MSI2: variants seen among roughly 807,000 people sequenced by gnomAD.
The protein encoded by MSI2 is musashi RNA binding protein 2.
MSI2 carries 17 observed loss-of-function variants against 45.6 expected under a neutral mutation model. The observed-to-expected ratio is 0.37, with a 90% CI of 0.26 to 0.56. The LOEUF is 0.56. Ranked by LOEUF, MSI2 falls within the 20% of genes least tolerant of loss-of-function variation. MSI2 has a pLI of 0.77. For missense variants in MSI2, 293 were observed against 444.2 expected (o/e 0.66, Z 3.06); for synonymous variants, 156 against 158.2 (o/e 0.99, Z 0.11).
chr17:57,577,828 C>T (rs902713261), intron 7 of MSI2, among the ~76,000 whole-genome samples: 4 of 152,178 alleles, frequency 2.6e-5, no homozygotes, highest in Admixed American at 1.3e-4. Flanking sequence ...AGTGTTTCTG[C>T]GTCCTCGGAC....
At chr17:57,298,629 C>G (rs779475997) in intron 5 of MSI2, among the ~76,000 whole-genome samples, 1 of 152,150 alleles carries the variant, frequency 6.6e-6, no homozygotes, top group African/African-American at 2.4e-5. Flanking sequence ...CCGTTGCATT[C>G]TAGCCTGGGT....
At chr17:57,494,847 A>G (rs988851368) in intron 6 of MSI2, among the ~76,000 whole-genome samples, 10 of 152,272 alleles carry the variant, frequency 6.6e-5, no homozygotes, top group African/African-American at 2.4e-4. Flanking sequence ...AAATCAGTGA[A>G]CAGAACAGAA....
chr17:57,651,695 C>T (rs751561945), intron 10 of MSI2, among the ~76,000 whole-genome samples: 64 of 152,226 alleles, frequency 4.2e-4, no homozygotes, highest in Non-Finnish European at 6.9e-4. Flanking sequence ...CTGACCACTC[C>T]GCCATGATCT....
chr17:57,573,100 C>G (rs1264514402), intron 7 of MSI2, among the ~76,000 whole-genome samples: 2 of 152,122 alleles, frequency 1.3e-5, no homozygotes, highest in Non-Finnish European at 2.9e-5. Context: ...TCCTAGAATG[C>G]CTCTGTGGTG....
At chr17:57,664,546 T>G (rs1912232194) in intron 11 of MSI2, among the ~76,000 whole-genome samples, 1 of 151,766 alleles carries the variant, frequency 6.6e-6, no homozygotes, top group Non-Finnish European at 1.5e-5. Context: ...AGAAAAAAGA[T>G]CTGAGAGAAG....
At chr17:57,440,017 G>A (rs941249492) in intron 6 of MSI2, among the ~76,000 whole-genome samples, 13 of 152,156 alleles carry the variant, frequency 8.5e-5, no homozygotes, top group Admixed American at 8.5e-4. Context: ...CTTAGGGTGA[G>A]GCTGAGTGAT....
chr17:57,673,722 C>T (rs1912997883), intron 11 of MSI2, among the ~76,000 whole-genome samples: 3 of 152,066 alleles, frequency 2.0e-5, no homozygotes, highest in South Asian at 2.1e-4. Flanking sequence ...TTGGGGGGGC[C>T]GAGGCAGTGT....
chr17:57,257,864 G>A (rs550871998), intron 3 of MSI2, among the ~76,000 whole-genome samples: 14 of 149,698 alleles, frequency 9.4e-5, no homozygotes, highest in Non-Finnish European at 1.6e-4. Context: ...TGATCTTAAT[G>A]TGTGTTTCCC....
intron 5 of MSI2, among the ~76,000 whole-genome samples, chr17:57,332,047 T>C (rs919169703): frequency 2.0e-5 from 3 of 152,216 alleles, no homozygotes; most frequent in African/African-American, 7.2e-5. Context: ...TCCCAGGCAC[T>C]GATGAACCTT....
At chr17:57,479,331 G>C (rs1257813423) in intron 6 of MSI2, among the ~76,000 whole-genome samples, 1 of 152,122 alleles carries the variant, frequency 6.6e-6, no homozygotes, top group African/African-American at 2.4e-5. Flanking sequence ...AGATGGGAAA[G>C]GTTAGTTTGA....
Position 57,368,716 on chromosome 17 carries a change from A to G in MSI2, c.313-32663A>G, listed in dbSNP as rs1225783211. Among the ~76,000 whole-genome samples, 3 of 152,208 alleles carry G rather than the reference A, an allele frequency of 2.0e-5. No homozygotes were observed. The East Asian group carries it at 5.8e-4, about 29-fold the overall frequency. ...AACCGCAGAATTAGAATATCGGCAG[A>G]TAAGTGGCAAGTTGAAGTTATATGC... is the stretch of plus-strand genomic sequence containing the variant. On this transcript the variant is annotated intron_variant, in intron 5 of 13. Transcript: ENST00000284073.
intron 6 of MSI2, among the ~76,000 whole-genome samples, chr17:57,468,438 G>A (rs934112489): frequency 2.7e-5 from 4 of 150,150 alleles, no homozygotes; most frequent in African/African-American, 9.8e-5. Flanking sequence ...GGAGAATGGC[G>A]TGAAACTGGG....
At chr17:57,535,041 G>A (rs894465662) in intron 7 of MSI2, among the ~76,000 whole-genome samples, 2 of 152,252 alleles carry the variant, frequency 1.3e-5, no homozygotes, top group Non-Finnish European at 2.9e-5. Context: ...GCAACAAGGT[G>A]CTGTCCTTCC....
At chr17:57,444,049 G>A (rs562311404) in intron 6 of MSI2, among the ~76,000 whole-genome samples, 19 of 152,124 alleles carry the variant, frequency 1.2e-4, no homozygotes, top group Non-Finnish European at 2.5e-4. Flanking sequence ...GACAAGAAAC[G>A]GGAGAACCTA....
chr17:57,404,295 A>G (rs28395365), intron 6 of MSI2, among the ~76,000 whole-genome samples: 20,169 of 152,060 alleles, frequency 0.13, 1,394 homozygotes, highest in African/African-American at 0.15. Context: ...TGAACTCTGC[A>G]CCCTGTGCCA....
At chr17:57,561,252 T>C (rs1296751125) in intron 7 of MSI2, among the ~76,000 whole-genome samples, 1 of 152,154 alleles carries the variant, frequency 6.6e-6, no homozygotes, top group South Asian at 2.1e-4. Flanking sequence ...CACAGGGTTC[T>C]GTCTAGGTGG....
intron 5 of MSI2, among the ~76,000 whole-genome samples, chr17:57,297,332 G>T (rs1359348343): frequency 6.6e-6 from 1 of 151,778 alleles, no homozygotes; most frequent in Non-Finnish European, 1.5e-5. Context: ...ATGATTTTTT[G>T]TGTGTCTTAG....
chr17:57,697,143 GACAC>G, the MSI2 span, among the ~76,000 whole-genome samples: 1 of 54,098 alleles, frequency 1.8e-5, no homozygotes, highest in Non-Finnish European at 3.8e-5. Flanking sequence ...TCGCCAGCAG[GACAC>G]ACACACACAC....
At chr17:57,360,849 A>G (rs1346640500) in intron 5 of MSI2, among the ~76,000 whole-genome samples, 1 of 152,206 alleles carries the variant, frequency 6.6e-6, no homozygotes, top group African/African-American at 2.4e-5. Flanking sequence ...GTACCTGCGT[A>G]CAACTTAATA....
Sources: gnomAD v4.1 joint callset for allele counts (sites outside exome capture counted in the v4.1 genomes callset) on GRCh38, gnomAD v4.1.1 for gene constraint, MANE v1.5 for transcripts, NCBI Gene and HGNC (gene_info 2026-07-23, HGNC 2026-07-21) for gene names.